CRTAP: variants seen among roughly 807,000 people sequenced by gnomAD.
The protein encoded by CRTAP is cartilage associated protein.
In CRTAP, 33 loss-of-function variants were observed where a neutral mutation model predicts 42.7. The ratio of observed to expected loss-of-function variants is 0.77; its 90% CI spans 0.59 to 1.03. CRTAP has a LOEUF of 1.03. CRTAP is among the 50% of genes least tolerant of loss of function. The pLI is 0.00. For synonymous variants in CRTAP, 243 were observed against 217.7 expected (o/e 1.12, Z -1.02); for missense variants, 613 against 533.9 (o/e 1.15, Z -1.46).
rs185668441 is a variant in CRTAP at position 33,122,791 on chromosome 3, T to A, written c.622-1617T>A. Among the ~76,000 whole-genome samples the A allele has an allele frequency of 1.9e-3, 282 of 151,484 alleles. 1 individual carries two copies. The highest frequency in any genetic ancestry group is 6.5e-3 in the African/African-American group (267 of 41,282). ...TTAAGCTTGGTGAAAATTCTAGGTCTAAGGGGTGCCCTCAGATACCACCAT... is the reference window on the plus strand; with the variant it reads ...TTAAGCTTGGTGAAAATTCTAGGTCAAAGGGGTGCCCTCAGATACCACCAT... On this transcript the variant is annotated intron_variant, in intron 2 of 6. Transcript: ENST00000320954.
At chr3:33,130,525 CTTTTTTTTTTTTTT>C (rs765558103) in intron 4 of CRTAP, among the ~76,000 whole-genome samples, 1 of 55,226 alleles carries the variant, frequency 1.8e-5, no homozygotes, top group African/African-American at 7.8e-5. Context: ...CTTTTCTTTT[CTTTTTTTTTTTTTT>C]TTTTTTTTTT....
chr3:33,126,926 T>C (rs947447688), intron 3 of CRTAP, among the ~76,000 whole-genome samples: 7 of 152,194 alleles, frequency 4.6e-5, no homozygotes, highest in Non-Finnish European at 8.8e-5. Flanking sequence ...TTTCACTGAA[T>C]ATGCAATTTG....
chr3:33,130,844 A>G (rs1323333461), intron 4 of CRTAP, among the ~76,000 whole-genome samples: 1 of 152,052 alleles, frequency 6.6e-6, no homozygotes, highest in African/African-American at 2.4e-5. Flanking sequence ...TGTTAGTTTC[A>G]TTCTAGTTGG....
At chr3:33,118,074 C>T (rs928848851) in intron 1 of CRTAP, among the ~76,000 whole-genome samples, 5 of 152,108 alleles carry the variant, frequency 3.3e-5, no homozygotes, top group Admixed American at 2.0e-4. Flanking sequence ...GATTCTCCTG[C>T]CTCAGCCTCC....
chr3:33,124,679 G>C, intron 3 of CRTAP, 100 bp downstream of exon 3: 1 of 1,436,184 alleles, frequency 7.0e-7, no homozygotes, highest in Non-Finnish European at 9.8e-7. Flanking sequence ...AGCAGCCTCT[G>C]AGGAATTTTT....
chr3:33,137,616 T>C (rs1183329973), intron 6 of CRTAP, among the ~76,000 whole-genome samples: 2 of 152,264 alleles, frequency 1.3e-5, no homozygotes, highest in African/African-American at 4.8e-5. Context: ...TTATCAGATA[T>C]ATGAATTGTA....
rs116821774 is a variant in CRTAP at position 33,132,608 on chromosome 3, C to A, written c.976C>A (p.Gln326Lys). The part of the protein sequence containing the change: ...PCAVSYLLFD[Q>K]NDKVMQQNLV... ...TGCAGTCAGCTATCTGCTCTTTGAT[C>A]AGAATGACAAGGTCATGCAGCAGAA... Residue 326 changes from glutamine to lysine, a missense_variant, in exon 5 of 7, where the codon CAG becomes AAG. Physicochemically the swap from Gln to Lys is moderately conservative, Grantham distance 53. Coordinates refer to ENST00000320954, the MANE Select transcript of CRTAP (RefSeq NM_006371.5). The A allele has an allele frequency of 1.2e-6, 2 of 1,614,160 alleles. No homozygotes were observed. Among genetic ancestry groups the A allele is most frequent in the Admixed American group, 3.3e-5 (2 of 60,024 alleles).
intron 1 of CRTAP, among the ~76,000 whole-genome samples, chr3:33,114,822 T>C (rs1575513105): frequency 6.6e-6 from 1 of 152,332 alleles, no homozygotes; most frequent in East Asian, 1.9e-4. Flanking sequence ...GCCTGATAAA[T>C]GTTCTCTGTT....
chr3:33,121,987 C>G (rs1344590261), intron 2 of CRTAP, among the ~76,000 whole-genome samples: 1 of 152,184 alleles, frequency 6.6e-6, no homozygotes, highest in East Asian at 1.9e-4. Context: ...CTTGCTTCCC[C>G]TCTGGCCCCT....
At chr3:33,139,936 A>G (rs763860497) in intron 6 of CRTAP, among the ~76,000 whole-genome samples, 2 of 152,238 alleles carry the variant, frequency 1.3e-5, no homozygotes, top group African/African-American at 2.4e-5. Flanking sequence ...TAAGAAATAT[A>G]GCCTTTTTGT....
In CRTAP at chr3:33,114,393, C is replaced by A; in HGVS notation, c.316C>A (p.Leu106Met). 6.5e-7 allele frequency: 1 copy of A among 1,535,958 alleles called. No individual in the cohort carries two copies. Among genetic ancestry groups the A allele is most frequent in the Non-Finnish European group, 8.7e-7 (1 of 1,146,538 alleles). ...CGCCGGCCTCGCCAGCTATCCCGAGCTGCGCCTCTTCGGGGGCCTGCTGCG... is the reference window on the plus strand; with the variant it reads ...CGCCGGCCTCGCCAGCTATCCCGAGATGCGCCTCTTCGGGGGCCTGCTGCG... ...PAAGLASYPE[L>M]RLFGGLLRRA... Residue 106 changes from leucine to methionine, a missense_variant, in exon 1 of 7, where the codon CTG becomes ATG. Transcript: ENST00000320954.
chr3:33,122,264 T>C (rs1367673110), intron 2 of CRTAP, among the ~76,000 whole-genome samples: 1 of 151,920 alleles, frequency 6.6e-6, no homozygotes, highest in African/African-American at 2.4e-5. Context: ...CTCTTTCTGC[T>C]TGGTCCTTCT....
At chr3:33,137,641 A>G (rs2030461144) in intron 6 of CRTAP, among the ~76,000 whole-genome samples, 1 of 152,210 alleles carries the variant, frequency 6.6e-6, no homozygotes, top group Non-Finnish European at 1.5e-5. Context: ...TTTTCTCACA[A>G]TTTGTGGGTT....
chr3:33,139,697 C>G (rs567538905), intron 6 of CRTAP, among the ~76,000 whole-genome samples: 2 of 152,100 alleles, frequency 1.3e-5, no homozygotes, highest in African/African-American at 4.8e-5. Context: ...AGTCTGGTCT[C>G]GAACTCCTGA....
chr3:33,135,536 G>T (rs1256893327), intron 6 of CRTAP, among the ~76,000 whole-genome samples: 1 of 151,814 alleles, frequency 6.6e-6, no homozygotes, highest in African/African-American at 2.4e-5. Flanking sequence ...GGCTGAAGGA[G>T]TCTGGGGAGT....
In CRTAP at chr3:33,129,947, G is replaced by A. The variant is rs112423184; in HGVS notation, c.802G>A (p.Val268Ile). The change falls in exon 4 of 7, where the codon GTA (valine) becomes ATA (isoleucine). Residue 268 changes from valine to isoleucine, a missense_variant. By Grantham distance (29) the Val-to-Ile change is conservative. Coordinates refer to ENST00000320954, the MANE Select transcript of CRTAP (RefSeq NM_006371.5). The part of the protein sequence containing the change: ...DFYLSIADHY[V>I]EVLECKIQCE... Reference sequence around the variant, plus strand: ...TATATGTTTTGTTTCAGATCATTATGTAGAAGTTCTGGAATGCAAAATACA... The same window carrying A: ...TATATGTTTTGTTTCAGATCATTATATAGAAGTTCTGGAATGCAAAATACA... 19 of 1,613,320 alleles carry A rather than the reference G, an allele frequency of 1.2e-5. No individual in the cohort carries two copies. Among genetic ancestry groups the A allele is most frequent in the African/African-American group, 1.1e-4 (8 of 75,036 alleles).
rs1288924506 is a variant in CRTAP at position 33,121,989 on chromosome 3, C to T, written c.621+1496C>T. 2.6e-5 allele frequency among the ~76,000 whole-genome samples: 4 copies of T among 152,200 alleles called. No homozygotes were observed. In the South Asian group the frequency reaches 8.3e-4, roughly 32 times the overall value. On this transcript the variant is annotated intron_variant, in intron 2 of 6. Coordinates refer to ENST00000320954, the MANE Select transcript of CRTAP (RefSeq NM_006371.5). ...ATGGGACATATAGCTTGCTTCCCCT[C>T]TGGCCCCTCCTTTGTGACTATTTCA...
chr3:33,129,969 TAC>T lies in CRTAP; in HGVS notation c.826_827del (p.Gln276ValfsTer2), dbSNP rs2030202475. 2 of 1,613,526 alleles carry T rather than the reference TAC, an allele frequency of 1.2e-6. No homozygotes were observed. Among genetic ancestry groups the T allele is most frequent in the Non-Finnish European group, 1.7e-6 (2 of 1,179,566 alleles). ...TATGTAGAAGTTCTGGAATGCAAAATACAGTGTGAAGAGAACCTCACCCCAGT... is the reference window on the plus strand; with the variant it reads ...TATGTAGAAGTTCTGGAATGCAAAATAGTGTGAAGAGAACCTCACCCCAGT... On this transcript the variant is annotated frameshift_variant, in exon 4 of 7. Coordinates refer to ENST00000320954, the MANE Select transcript of CRTAP (RefSeq NM_006371.5). LOFTEE classifies it high-confidence loss of function.
chr3:33,131,994 T>C (rs1409025198), intron 4 of CRTAP, among the ~76,000 whole-genome samples: 1 of 151,718 alleles, frequency 6.6e-6, no homozygotes. Flanking sequence ...CTGTCACAGG[T>C]GGGCAACACC....
Sources: gnomAD v4.1 joint callset for allele counts (sites outside exome capture counted in the v4.1 genomes callset) on GRCh38, gnomAD v4.1.1 for gene constraint, MANE v1.5 for transcripts, NCBI Gene and HGNC (gene_info 2026-07-23, HGNC 2026-07-21) for gene names.